Variants in TTC6 observed in about 807,000 individuals in gnomAD.
The protein encoded by TTC6 is tetratricopeptide repeat domain 6.
Under a neutral mutation model 210.4 loss-of-function variants are expected in TTC6, and 172 were observed. That is an observed-to-expected ratio of 0.82 (90% CI 0.72 to 0.93). TTC6 has a LOEUF of 0.93. Among genes scored for constraint, TTC6 ranks in the 40% least tolerant of loss-of-function variants. The pLI is 0.00. For missense variants in TTC6, 2,414 were observed against 2,318.1 expected (o/e 1.04, Z -0.85); for synonymous variants, 804 against 819.6 (o/e 0.98, Z 0.32).
At chr14:37,758,265 A>G (rs1032520463) in intron 14 of TTC6, among the ~76,000 whole-genome samples, 4 of 152,196 alleles carry the variant, frequency 2.6e-5, no homozygotes, top group African/African-American at 4.8e-5. Context: ...GATATGTCCA[A>G]TATTGACAAT....
chr14:37,783,068 G>A (rs984548102), intron 14 of TTC6, among the ~76,000 whole-genome samples: 2 of 152,098 alleles, frequency 1.3e-5, no homozygotes, highest in African/African-American at 4.8e-5. Flanking sequence ...ATGTTCATCA[G>A]GGATATTGGT....
chr14:37,682,655 C>A, intron 2 of TTC6, 103 bp from the exon 5 acceptor site: 2 of 947,504 alleles, frequency 2.1e-6, no homozygotes, highest in Non-Finnish European at 3.1e-6. Flanking sequence ...TTCAAGCATG[C>A]GTTTTCATAT....
intron 1 of TTC6, among the ~76,000 whole-genome samples, chr14:37,653,259 G>A (rs2139430922): frequency 6.6e-6 from 1 of 152,330 alleles, no homozygotes; most frequent in Non-Finnish European, 1.5e-5. Flanking sequence ...AAATATATAT[G>A]ACATGAAATG....
In TTC6 at chr14:37,781,982, C is replaced by T. The variant is rs181073112; in HGVS notation, c.3267-5486C>T. 2.9e-4 allele frequency among the ~76,000 whole-genome samples: 44 copies of T among 152,166 alleles called. No individual in the cohort carries two copies. In the East Asian group the frequency reaches 8.3e-3, roughly 29 times the overall value. The stretch of plus-strand genomic sequence containing the variant: ...GAGGGCTCTGTTCTGTTTCATTGGT[C>T]TATATCTCTGTTTTGGTACCAGTAC... On this transcript the variant is annotated intron_variant, in intron 14 of 30. Transcript: ENST00000553443.
At chr14:37,779,744 A>G (rs138004470) in intron 14 of TTC6, among the ~76,000 whole-genome samples, 105 of 152,294 alleles carry the variant, frequency 6.9e-4, no homozygotes, top group African/African-American at 2.2e-3. Context: ...TACTTCTTCA[A>G]TTGAAGGGAC....
At chr14:37,684,143 A>G (rs894290366) in intron 3 of TTC6, among the ~76,000 whole-genome samples, 5 of 152,156 alleles carry the variant, frequency 3.3e-5, no homozygotes, top group African/African-American at 1.2e-4. Context: ...ATATAAATCA[A>G]TCTCCAAGGC....
chr14:37,835,815 C>G (rs574238863), intron 29 of TTC6, among the ~76,000 whole-genome samples: 13 of 152,158 alleles, frequency 8.5e-5, no homozygotes, highest in Admixed American at 2.6e-4. Context: ...TTGAGTCTTT[C>G]TTGCTTTGTA....
In TTC6 at chr14:37,606,680, T is replaced by C. The variant is rs1435041648; in HGVS notation, c.-217T>C. ...TTCCCTAGGAAAACCCTTTCCTGTA[T>C]GCCATCTGTTTTCTGTGGGGCCCTG... On this transcript the variant is annotated 5_prime_UTR_variant, in exon 2 of 3. An upstream start codon of the reference 5' UTR is lost. Coordinates refer to the TTC6 transcript ENST00000556845. 1.0e-6 allele frequency: 1 copy of C among 979,020 alleles called. No homozygotes were observed. Among genetic ancestry groups the C allele is most frequent in the Non-Finnish European group, 1.2e-6 (1 of 824,224 alleles). The allele number at this position is 979,020 out of a possible 1,614,324, so 60.6% of individuals were successfully genotyped here. A position where few individuals can be genotyped will look rare whatever the true frequency, so the allele number is the denominator to read the frequency against.
intron 4 of TTC6, among the ~76,000 whole-genome samples, chr14:37,697,072 G>C (rs1488849087): frequency 1.3e-5 from 2 of 151,944 alleles, no homozygotes; most frequent in African/African-American, 4.8e-5. Context: ...TGTAACAATA[G>C]CTGGAAAAAA....
rs1176912652 is a variant in TTC6, at chr14:37,790,915, T to G, written c.3557+78T>G. ...CCTGAAATGGGAGAAAAAGTTTCTT[T>G]CCCCTCATCATTGATAACCTAGAAA... On this transcript the variant is annotated intron_variant, in intron 16 of 30. Transcript: ENST00000553443. 4.0e-6 allele frequency: 5 copies of G among 1,264,384 alleles called. No homozygotes were observed. The South Asian group carries it at 4.5e-5, about 11-fold the overall frequency. 78.3% of individuals were successfully genotyped at this position (1,264,384 alleles called of 1,614,324 possible). A position where few individuals can be genotyped will look rare whatever the true frequency, so the allele number is the denominator to read the frequency against.
chr14:37,599,990 C>A (rs921339211), intron 1 of TTC6, among the ~76,000 whole-genome samples: 1 of 152,204 alleles, frequency 6.6e-6, no homozygotes, highest in Non-Finnish European at 1.5e-5. Flanking sequence ...CGATCCCCCT[C>A]CTGGGGAGCG....
At chr14:37,835,314 T>G (rs544032304) in intron 29 of TTC6, among the ~76,000 whole-genome samples, 1 of 152,282 alleles carries the variant, frequency 6.6e-6, no homozygotes, top group East Asian at 1.9e-4. Flanking sequence ...CTTTGAGACT[T>G]TGAGGGTAAG....
At chr14:37,731,920 C>T (rs1047201290) in intron 7 of TTC6, among the ~76,000 whole-genome samples, 1 of 151,610 alleles carries the variant, frequency 6.6e-6, no homozygotes, top group Admixed American at 6.6e-5. Context: ...ATTTTCTTAC[C>T]CATTGTATGC....
chr14:37,704,728 AT>A (rs1170859391), intron 5 of TTC6, among the ~76,000 whole-genome samples: 7 of 151,548 alleles, frequency 4.6e-5, no homozygotes, highest in Non-Finnish European at 7.4e-5. Context: ...TAATGTAGCA[AT>A]TTTTTTTGTG....
intron 10 of TTC6, among the ~76,000 whole-genome samples, chr14:37,745,868 T>A (rs2095934467): frequency 6.6e-6 from 1 of 152,170 alleles, no homozygotes; most frequent in South Asian, 2.1e-4. Flanking sequence ...AACCTTCCTG[T>A]TAAGAGAGGT....
chr14:37,651,409 ATATATATATATATATATTTTTTTTTTT>A (rs1463147918), intron 1 of TTC6, among the ~76,000 whole-genome samples: 1,031 of 19,338 alleles, frequency 0.053, 27 homozygotes, highest in African/African-American at 0.14. Flanking sequence ...ATATATATAT[ATATATATATATATATATTTTTTTTTTT>A]TTTTTTTTTT....
intron 3 of TTC6, among the ~76,000 whole-genome samples, chr14:37,688,432 T>C (rs1198068816): frequency 6.6e-6 from 1 of 152,080 alleles, no homozygotes; most frequent in African/African-American, 2.4e-5. Flanking sequence ...GCTCTAGGTC[T>C]TTGAGCAAAC....
intron 1 of TTC6, among the ~76,000 whole-genome samples, chr14:37,599,309 C>A (rs931379420): frequency 1.3e-5 from 2 of 152,182 alleles, no homozygotes; most frequent in African/African-American, 4.8e-5. Context: ...GGGATTAATT[C>A]ACAACTCTGT....
chr14:37,781,120 T>A lies in TTC6; in HGVS notation c.3267-6348T>A, dbSNP rs188950756. ...GCATGTGTCTTTATCATAAAATGAT[T>A]TATAATCCTTTGTGTATATGCCCAG... On this transcript the variant is annotated intron_variant, in intron 14 of 30. Coordinates refer to ENST00000553443, the Ensembl canonical transcript of TTC6. 3.2e-3 allele frequency among the ~76,000 whole-genome samples: 481 copies of A among 152,322 alleles called. 1 individual carries two copies. Among genetic ancestry groups the A allele is most frequent in the African/African-American group, 0.011 (444 of 41,576 alleles).
Sources: allele counts gnomAD v4.1 joint callset (sites outside exome capture counted in the v4.1 genomes callset), GRCh38; gene constraint gnomAD v4.1.1; transcripts MANE v1.5; gene names NCBI Gene and HGNC (gene_info 2026-07-23, HGNC 2026-07-21).